Variants in RBPJ observed in about 807,000 individuals in gnomAD.
The protein encoded by RBPJ is recombination signal binding protein for immunoglobulin kappa J region.
A neutral mutation model predicts 67.8 loss-of-function variants in RBPJ; 9 were observed. The observed-to-expected ratio is 0.13, with a 90% CI of 0.08 to 0.23. RBPJ has a LOEUF of 0.23. Among genes scored for constraint, RBPJ ranks in the 10% least tolerant of loss-of-function variants. The pLI, the probability that RBPJ is intolerant of heterozygous loss-of-function variation, is 1.00. For missense variants in RBPJ, 305 were observed against 595.6 expected (o/e 0.51, Z 5.08); for synonymous variants, 198 against 203.3 (o/e 0.97, Z 0.22).
At chr4:26,349,511 ATAAG>A (rs1235138175) in intron 1 of RBPJ, among the ~76,000 whole-genome samples, 1 of 152,246 alleles carries the variant, frequency 6.6e-6, no homozygotes, top group Non-Finnish European at 1.5e-5. Context: ...TTATTTTGAT[ATAAG>A]TAAGTGATTT....
the RBPJ span, among the ~76,000 whole-genome samples, chr4:26,138,563 G>C: frequency 6.6e-6 from 1 of 152,170 alleles, no homozygotes; most frequent in African/African-American, 2.4e-5. Context: ...ATCAAGAGTT[G>C]GCTGGGAGTG....
At chr4:26,109,579 C>A in the RBPJ span, among the ~76,000 whole-genome samples, 2,399 of 29,238 alleles carry the variant, frequency 0.082, 416 homozygotes, top group African/African-American at 0.13. Flanking sequence ...CTCTCTCTCT[C>A]TATATATATA....
intron 1 of RBPJ, among the ~76,000 whole-genome samples, chr4:26,380,981 G>C (rs1730261255): frequency 6.8e-6 from 1 of 147,308 alleles, no homozygotes; most frequent in Admixed American, 6.9e-5. Flanking sequence ...TTCTACTGCT[G>C]TTACTAGACA....
At chr4:26,269,984 G>C (rs1398095645) in intron 1 of RBPJ, among the ~76,000 whole-genome samples, 1 of 151,910 alleles carries the variant, frequency 6.6e-6, no homozygotes, top group Non-Finnish European at 1.5e-5. Context: ...CTCGCCATGG[G>C]AAATTGCTGG....
chr4:26,334,166 G>A (rs890755037), intron 1 of RBPJ, among the ~76,000 whole-genome samples: 6 of 151,590 alleles, frequency 4.0e-5, no homozygotes, highest in Admixed American at 1.3e-4. Context: ...TCAGCCTCCC[G>A]AGTAGCTGGG....
chr4:26,355,703 T>C (rs1382371301), intron 1 of RBPJ, among the ~76,000 whole-genome samples: 1 of 152,160 alleles, frequency 6.6e-6, no homozygotes, highest in East Asian at 1.9e-4. Context: ...ATAAGAACTT[T>C]GAACACCTTG....
chr4:26,127,667 T>C, the RBPJ span, among the ~76,000 whole-genome samples: 1 of 152,190 alleles, frequency 6.6e-6, no homozygotes, highest in African/African-American at 2.4e-5. Context: ...AATCTACCTA[T>C]TAGATCCCAG....
intron 1 of RBPJ, among the ~76,000 whole-genome samples, chr4:26,310,393 TA>T (rs1722389277): frequency 6.6e-6 from 1 of 152,194 alleles, no homozygotes; most frequent in African/African-American, 2.4e-5. Flanking sequence ...TAAACATTTG[TA>T]GAGTGAGCGG....
At chr4:26,406,640 A>G (rs1008188550) in intron 3 of RBPJ, among the ~76,000 whole-genome samples, 2 of 152,246 alleles carry the variant, frequency 1.3e-5, no homozygotes, top group Non-Finnish European at 2.9e-5. Flanking sequence ...TGTGTCCTGC[A>G]TCCATTGGCT....
At chr4:26,268,072 G>T (rs1720761726) in intron 1 of RBPJ, among the ~76,000 whole-genome samples, 1 of 151,848 alleles carries the variant, frequency 6.6e-6, no homozygotes, top group Admixed American at 6.6e-5. Context: ...AAAAATTTTA[G>T]CAAATCTAAA....
intron 1 of RBPJ, among the ~76,000 whole-genome samples, chr4:26,253,700 T>C (rs536037404): frequency 1.3e-5 from 2 of 148,960 alleles, no homozygotes; most frequent in South Asian, 2.1e-4. Flanking sequence ...ATCATTGAAA[T>C]GTCAATATCT....
At chr4:26,287,223 T>C (rs1458111468) in intron 1 of RBPJ, among the ~76,000 whole-genome samples, 2 of 151,864 alleles carry the variant, frequency 1.3e-5, no homozygotes, top group Non-Finnish European at 2.9e-5. Flanking sequence ...TAAAGGAGTA[T>C]TTTAGGTCAT....
chr4:26,352,250 G>A (rs1726885239), intron 1 of RBPJ, among the ~76,000 whole-genome samples: 1 of 152,148 alleles, frequency 6.6e-6, no homozygotes, highest in Non-Finnish European at 1.5e-5. Flanking sequence ...AAGATTCAGT[G>A]TCTGGTGAAG....
intron 1 of RBPJ, among the ~76,000 whole-genome samples, chr4:26,341,182 G>C (rs1725486382): frequency 6.6e-6 from 1 of 152,176 alleles, no homozygotes; most frequent in South Asian, 2.1e-4. Flanking sequence ...GGTGAAATGA[G>C]AAAACACTAC....
At chr4:26,241,703 G>A (rs1719642852) in intron 1 of RBPJ, among the ~76,000 whole-genome samples, 2 of 151,896 alleles carry the variant, frequency 1.3e-5, no homozygotes, top group Admixed American at 1.3e-4. Context: ...GTAGAGGCAG[G>A]GTTTCGCTAT....
At chr4:26,352,278 T>C (rs983572558) in intron 1 of RBPJ, among the ~76,000 whole-genome samples, 3 of 152,042 alleles carry the variant, frequency 2.0e-5, no homozygotes, top group Non-Finnish European at 2.9e-5. Context: ...CTGTGGTTCA[T>C]AGATGGTGTC....
At chr4:26,124,414 T>TCATATATATA in the RBPJ span, among the ~76,000 whole-genome samples, 1 of 65,032 alleles carries the variant, frequency 1.5e-5, no homozygotes, top group South Asian at 7.6e-4. Flanking sequence ...TAGTATTCCA[T>TCATATATATA]CATATATATA....
chr4:26,289,972 T>C (rs1721612318), intron 1 of RBPJ, among the ~76,000 whole-genome samples: 2 of 150,578 alleles, frequency 1.3e-5, no homozygotes, highest in Non-Finnish European at 3.0e-5. Flanking sequence ...ATATTGTCAA[T>C]TAATTAAGGA....
At chr4:26,119,580 C>T in the RBPJ span, among the ~76,000 whole-genome samples, 1 of 152,126 alleles carries the variant, frequency 6.6e-6, no homozygotes, top group African/African-American at 2.4e-5. Context: ...GGCACTAGCC[C>T]CCTCCTTCCT....
Sources: gnomAD v4.1 joint callset for allele counts (sites outside exome capture counted in the v4.1 genomes callset) on GRCh38, gnomAD v4.1.1 for gene constraint, MANE v1.5 for transcripts, NCBI Gene and HGNC (gene_info 2026-07-23, HGNC 2026-07-21) for gene names.